Variants in ZC3H18 observed in about 807,000 individuals in gnomAD.
ZC3H18 encodes the protein zinc finger CCCH domain-containing protein 18.
ZC3H18 carries 8 observed loss-of-function variants against 106.1 expected under a neutral mutation model. The observed-to-expected ratio is 0.08, with a 90% CI of 0.04 to 0.14. The LOEUF (loss-of-function observed/expected upper bound fraction) is 0.14, where lower values mean the gene tolerates loss of function less well. ZC3H18 is among the 10% of genes least tolerant of loss of function. The probability of loss-of-function intolerance (pLI) is 1.00; values close to 1 mark genes in which losing one functional copy is unlikely to be tolerated. For missense variants in ZC3H18, 1,318 were observed against 1,278.4 expected, an observed-to-expected ratio of 1.03 and a Z score of -0.47; for synonymous variants, 635 against 522.1, an observed-to-expected ratio of 1.22 and a Z score of -2.95.
chr16:88,599,633 C>A (rs1413768683), intron 5 of ZC3H18, among the ~76,000 whole-genome samples, 158 bp from the exon 6 acceptor site: 2 of 152,180 alleles, frequency 1.3e-5, no homozygotes, highest in South Asian at 2.1e-4. Flanking sequence ...AGAAGGACAA[C>A]TGTGCTGTGT....
At chr16:88,615,730 G>A (rs761103311) in intron 8 of ZC3H18, among the ~76,000 whole-genome samples, 14 of 152,278 alleles carry the variant, frequency 9.2e-5, no homozygotes, top group Admixed American at 1.3e-4. Context: ...TTATGAGTCC[G>A]TCAGCATGTC....
chr16:88,584,850 C>T (rs1483154049), intron 2 of ZC3H18, among the ~76,000 whole-genome samples: 1 of 152,220 alleles, frequency 6.6e-6, no homozygotes, highest in East Asian at 1.9e-4. Context: ...GTTTCCTATT[C>T]ATCCTGATGC....
chr16:88,614,864 A>G (rs1310479389), intron 8 of ZC3H18, among the ~76,000 whole-genome samples: 1 of 152,144 alleles, frequency 6.6e-6, no homozygotes. Context: ...CCCCACTGCA[A>G]AGGTGCAGCC....
chr16:88,573,597 G>C (rs991421367), intron 1 of ZC3H18, among the ~76,000 whole-genome samples: 3 of 151,876 alleles, frequency 2.0e-5, no homozygotes, highest in African/African-American at 7.2e-5. Flanking sequence ...TTAATAAAAA[G>C]ACGAGGGTCT....
At chr16:88,610,049 C>T (rs908955380) in intron 7 of ZC3H18, among the ~76,000 whole-genome samples, 20 of 152,098 alleles carry the variant, frequency 1.3e-4, no homozygotes, top group African/African-American at 4.3e-4. Flanking sequence ...CCACTTCAGC[C>T]AGCTTGTTAA....
intron 16 of ZC3H18, 27 bp downstream of exon 16, chr16:88,628,881 G>C (rs371136379): frequency 2.8e-5 from 45 of 1,612,870 alleles, no homozygotes; most frequent in Admixed American, 5.0e-5. Flanking sequence ...CTAGGGGGCA[G>C]GGCAGAGGGA....
chr16:88,595,470 CTTTCT>C (rs1189413104), intron 3 of ZC3H18, among the ~76,000 whole-genome samples: 73 of 91,804 alleles, frequency 8.0e-4, no homozygotes, highest in African/African-American at 2.1e-3. Flanking sequence ...TAATTTCTTT[CTTTCT>C]TTTTTTTTTT....
chr16:88,607,110 C>T (rs888317585), intron 6 of ZC3H18, among the ~76,000 whole-genome samples: 1 of 152,192 alleles, frequency 6.6e-6, no homozygotes, highest in Non-Finnish European at 1.5e-5. Context: ...GGAAGAGAGC[C>T]TGACCTTCCC....
chr16:88,574,859 T>C (rs1914644434), intron 1 of ZC3H18, among the ~76,000 whole-genome samples: 1 of 144,414 alleles, frequency 6.9e-6, no homozygotes, highest in Non-Finnish European at 1.5e-5. Context: ...AGACGGAGTC[T>C]CGCTCTGTCG....
rs751725199 is a variant in ZC3H18 at position 88,608,922 on chromosome 16, G to T, written c.1089-12G>T. 2 of 1,602,942 alleles carry T rather than the reference G, an allele frequency of 1.2e-6. No individual in the cohort carries two copies. Among genetic ancestry groups the T allele is most frequent in the African/African-American group, 2.7e-5 (2 of 74,508 alleles). ...TAAGTGATGAGAGTTCTTTTTCATT[G>T]GCCCTTTTCAGACTCGAGCCTTACG... On this transcript the variant is annotated splice_polypyrimidine_tract_variant and intron_variant, in intron 6 of 17. Coordinates refer to ENST00000301011, the MANE Select transcript of ZC3H18 (RefSeq NM_144604.4).
rs956601414 is a variant in ZC3H18 at position 88,608,990 on chromosome 16, G to A, written c.1145G>A (p.Gly382Asp). The change falls in exon 7 of 18, where the codon GGC becomes GAC. Residue 382 changes from glycine (G) to aspartate (D), a missense_variant. Physicochemically the swap from Gly to Asp is moderately conservative, Grantham distance 94. Transcript: ENST00000301011. ...YDYEIERFWR[G>D]GQYENFRVQY... ...TATGAAATTGAGCGGTTTTGGCGTG[G>A]CGGACAGTATGAGAATTTCAGGGTG... 1 of 1,613,936 alleles carries A rather than the reference G, an allele frequency of 6.2e-7. No homozygotes were observed. The highest frequency in any genetic ancestry group is 8.5e-7 in the Non-Finnish European group (1 of 1,179,916).
At chr16:88,580,208 GTATA>G (rs762695188) in intron 2 of ZC3H18, among the ~76,000 whole-genome samples, 123 of 50,128 alleles carry the variant, frequency 2.5e-3, no homozygotes, top group Middle Eastern at 8.5e-3. Flanking sequence ...GTGTGTGTGT[GTATA>G]TGTATATGTC....
chr16:88,628,868 C>G lies in ZC3H18; in HGVS notation c.2566+14C>G. On this transcript the variant is annotated intron_variant, in intron 16 of 17. Transcript: ENST00000301011. ...CCCCAGACCGAGGTGAGCCTCCCAGCCCCTAGGGGGCAGGGCAGAGGGACG... is the reference window on the plus strand; with the variant it reads ...CCCCAGACCGAGGTGAGCCTCCCAGGCCCTAGGGGGCAGGGCAGAGGGACG... 6.2e-7 allele frequency: 1 copy of G among 1,613,772 alleles called. No homozygotes were observed. Among genetic ancestry groups the G allele is most frequent in the Non-Finnish European group, 8.5e-7 (1 of 1,179,786 alleles).
intron 8 of ZC3H18, among the ~76,000 whole-genome samples, 184 bp downstream of exon 8, chr16:88,611,720 TA>T (rs1905284968): frequency 6.6e-6 from 1 of 152,196 alleles, no homozygotes; most frequent in East Asian, 1.9e-4. Flanking sequence ...GGCCTTTCTG[TA>T]AAACTCCCAA....
intron 8 of ZC3H18, among the ~76,000 whole-genome samples, chr16:88,619,381 C>T (rs1190469092): frequency 6.6e-6 from 1 of 152,238 alleles, no homozygotes; most frequent in East Asian, 1.9e-4. Context: ...CCTCCTTGCT[C>T]CATGGGCCTG....
chr16:88,600,213 G>A (rs1437810125), intron 6 of ZC3H18, among the ~76,000 whole-genome samples: 2 of 152,228 alleles, frequency 1.3e-5, no homozygotes, highest in African/African-American at 4.8e-5. Flanking sequence ...AGCTCTGAGA[G>A]TTTTCGCTGC....
intron 8 of ZC3H18, among the ~76,000 whole-genome samples, chr16:88,615,632 C>G (rs1023214741): frequency 3.3e-5 from 5 of 152,192 alleles, no homozygotes; most frequent in Admixed American, 6.5e-5. Context: ...GGGGTTTTCA[C>G]GCCACCCAGA....
intron 9 of ZC3H18, 154 bp from the exon 10 acceptor site, chr16:88,623,063 CTG>C: frequency 5.8e-6 from 6 of 1,039,164 alleles, no homozygotes; most frequent in Non-Finnish European, 8.2e-6. Flanking sequence ...CTGTATGCGT[CTG>C]TGCGCGCGTC....
At chr16:88,602,499 C>T (rs1042590110) in intron 6 of ZC3H18, among the ~76,000 whole-genome samples, 1 of 152,224 alleles carries the variant, frequency 6.6e-6, no homozygotes, top group African/African-American at 2.4e-5. Flanking sequence ...AGATTCTTAG[C>T]TCGACCCCAG....
Sources: gnomAD v4.1 joint callset for allele counts (sites outside exome capture counted in the v4.1 genomes callset) on GRCh38, gnomAD v4.1.1 for gene constraint, MANE v1.5 for transcripts, NCBI Gene and HGNC (gene_info 2026-07-23, HGNC 2026-07-21) for gene names.